The following AFG3L2 variants were observed in gnomAD, a reference collection of about 807,000 sequenced individuals.
AFG3L2 encodes mitochondrial inner membrane m-AAA protease component AFG3L2.
Under a neutral mutation model 94.5 loss-of-function variants are expected in AFG3L2, and 54 were observed. The observed-to-expected ratio is 0.57, with a 90% CI of 0.46 to 0.72. The LOEUF is 0.72. Ranked by LOEUF, AFG3L2 falls within the 30% of genes least tolerant of loss-of-function variation. The pLI is 0.00. For synonymous variants in AFG3L2, 377 were observed against 365.5 expected (o/e 1.03, Z -0.36); for missense variants, 754 against 994.9 (o/e 0.76, Z 3.26).
chr18:12,357,995 T>C (rs531434234), intron 8 of AFG3L2, among the ~76,000 whole-genome samples: 5 of 133,728 alleles, frequency 3.7e-5, no homozygotes, highest in South Asian at 5.2e-4. Flanking sequence ...TTTTTATCTA[T>C]AGAAGTAAGA....
At chr18:12,331,824 T>A (rs1404086256) in intron 16 of AFG3L2, among the ~76,000 whole-genome samples, 4 of 2,166 alleles carry the variant, frequency 1.8e-3, no homozygotes, top group South Asian at 0.05. Flanking sequence ...TATATATATA[T>A]ATATATATAT....
In AFG3L2 at chr18:12,367,114, C is replaced by A; in HGVS notation, c.403G>T (p.Asp135Tyr). Residue 135 changes from aspartate (D) to tyrosine (Y), a missense_variant, in exon 5 of 17, where the codon GAC becomes TAC. Coordinates refer to ENST00000269143, the MANE Select transcript of AFG3L2 (RefSeq NM_006796.3). ...SHWWSRFQKG[D>Y]IPWDDKDFRM... ...AAATCCTTGTCGTCCCATGGAATGT[C>A]ACCCTGGGCAGAGAGGGAGACAGCT... 1.9e-6 allele frequency: 3 copies of A among 1,614,220 alleles called. No homozygotes were observed. The highest frequency in any genetic ancestry group is 1.7e-6 in the Non-Finnish European group (2 of 1,180,044).
At chr18:12,332,121 T>TG (rs1036139736) in intron 16 of AFG3L2, among the ~76,000 whole-genome samples, 1 of 97,974 alleles carries the variant, frequency 1.0e-5, no homozygotes, top group African/African-American at 4.0e-5. Flanking sequence ...TCTCATAAAA[T>TG]GATTTTTTTT....
intron 16 of AFG3L2, among the ~76,000 whole-genome samples, chr18:12,332,953 A>T (rs1252736086): frequency 1.6e-4 from 3 of 18,636 alleles, no homozygotes; most frequent in South Asian, 2.5e-3. Context: ...ATAATATATT[A>T]TATACTATAA....
At position 12,340,287 on chromosome 18, in the gene AFG3L2, G is replaced by A. The variant is rs1202345883; in HGVS notation, c.1894C>T (p.Arg632Ter). ...LDRMCMTLGG[R>*]VSEEIFFGRI... is the part of the protein sequence containing the mutation. ...CCAAAGAAGATTTCTTCAGAGACTC[G>A]ACCACCTAAAGTCATACACATCCTA... Residue 632 changes from arginine to a stop codon, truncating the protein, a stop_gained, in exon 15 of 17, where the codon CGA becomes TGA. Coordinates refer to ENST00000269143, the MANE Select transcript of AFG3L2 (RefSeq NM_006796.3). LOFTEE classifies it high-confidence loss of function. The A allele has an allele frequency of 2.0e-5, 33 of 1,613,886 alleles. No homozygotes were observed. The highest frequency in any genetic ancestry group is 2.6e-5 in the Non-Finnish European group (31 of 1,180,002).
chr18:12,341,659 T>C (rs1907956859), intron 14 of AFG3L2: 1 of 152,256 alleles, frequency 6.6e-6, no homozygotes, highest in East Asian at 1.9e-4. Context: ...ATCCATTTCA[T>C]TCTTGATGGA....
At chr18:12,348,441 C>T (rs965175779) in intron 12 of AFG3L2, 58 bp from the exon 13 acceptor site, 3 of 1,327,870 alleles carry the variant, frequency 2.3e-6, no homozygotes, top group Non-Finnish European at 3.3e-6. Context: ...TGATCAGTCA[C>T]ACAATATGGA....
At chr18:12,334,200 T>C (rs1907672245) in intron 16 of AFG3L2, among the ~76,000 whole-genome samples, 2 of 152,362 alleles carry the variant, frequency 1.3e-5, no homozygotes, top group South Asian at 4.1e-4. Context: ...TGCAGTATTC[T>C]GCACGTGGCT....
At chr18:12,365,860 C>G (rs182531031) in intron 5 of AFG3L2, among the ~76,000 whole-genome samples, 2 of 150,450 alleles carry the variant, frequency 1.3e-5, no homozygotes, top group East Asian at 3.9e-4. Context: ...TATCACTACA[C>G]TGCATCAATT....
Position 12,340,381 on chromosome 18 carries a change from G to A in AFG3L2, c.1800C>T (p.Gly600=), listed in dbSNP as rs182024721. The A allele has an allele frequency of 6.2e-7, 1 of 1,613,842 alleles. No individual in the cohort carries two copies. Among genetic ancestry groups the A allele is most frequent in the Non-Finnish European group, 8.5e-7 (1 of 1,179,860 alleles). The part of the protein sequence containing the change: ...PLLKVSIIPR[G]KGLGYAQYLP... ...AATACTGAGCATAACCTAGTCCTTT[G>A]CCACGTGGGATGATGGATACCTGGT... Residue 600 remains glycine (G), a synonymous_variant, in exon 15 of 17, where the codon GGC becomes GGT. Coordinates refer to ENST00000269143, the MANE Select transcript of AFG3L2 (RefSeq NM_006796.3).
At chr18:12,354,126 A>ACCCCCCCCCCCCCCCCCCCCCCCCC (rs1568140579) in intron 9 of AFG3L2, among the ~76,000 whole-genome samples, 1 of 66,564 alleles carries the variant, frequency 1.5e-5, no homozygotes. Context: ...CCACCTGCCC[A>ACCCCCCCCCCCCCCCCCCCCCCCCC]CTCCCACCCC....
In AFG3L2 at chr18:12,356,700, AG is replaced by A; in HGVS notation, c.1157del (p.Pro386LeufsTer95). On this transcript the variant is annotated frameshift_variant, in exon 9 of 17. Coordinates refer to ENST00000269143, the MANE Select transcript of AFG3L2 (RefSeq NM_006796.3). LOFTEE classifies it high-confidence loss of function. ...CGAACAGAATGAGACTCACTCTAGC[AG>A]GGCCCACACCAACGAACATCTCCAA... ...EFLEMFVGVG[P>X]ARVRDLFALA... 1 of 1,614,186 alleles carries A rather than the reference AG, an allele frequency of 6.2e-7. No homozygotes were observed. The highest frequency in any genetic ancestry group is 1.6e-4 in the Middle Eastern group (1 of 6,062).
intron 10 of AFG3L2, among the ~76,000 whole-genome samples, chr18:12,352,519 T>G (rs1243363057): frequency 6.6e-6 from 1 of 152,228 alleles, no homozygotes; most frequent in Non-Finnish European, 1.5e-5. Context: ...ATTCAAAATT[T>G]GCTAAATTCA....
rs1440504082 is a variant in AFG3L2 at position 12,329,455 on chromosome 18, G to A, written c.*110C>T. On this transcript the variant is annotated 3_prime_UTR_variant, in exon 17 of 17. Coordinates refer to ENST00000269143, the MANE Select transcript of AFG3L2 (RefSeq NM_006796.3). ...TTTCCCCATCATTTCAGCTGGGCCA[G>A]TGGCTGGCTAAAATCAGCGCAGCAT... 5.1e-6 allele frequency: 6 copies of A among 1,174,022 alleles called. No individual in the cohort carries two copies. The highest frequency in any genetic ancestry group is 1.7e-5 in the Admixed American group (1 of 58,176). The allele number at this position is 1,174,022 out of a possible 1,614,324, so 72.7% of individuals were successfully genotyped here.
chr18:12,360,251 A>C (rs1470260305), intron 6 of AFG3L2, 200 bp from the exon 7 acceptor site: 25 of 573,544 alleles, frequency 4.4e-5, no homozygotes, highest in Non-Finnish European at 6.9e-5. Flanking sequence ...TTCTTGGCAA[A>C]TAAGCATTTC....
intron 13 of AFG3L2, among the ~76,000 whole-genome samples, chr18:12,346,121 C>A (rs368264661): frequency 1.3e-5 from 2 of 152,298 alleles, no homozygotes; most frequent in African/African-American, 4.8e-5. Flanking sequence ...TCCCCTCCAG[C>A]CTACAGGTCC....
intron 9 of AFG3L2, among the ~76,000 whole-genome samples, chr18:12,354,126 A>ACCCCCCCCCCCCCCCCCCCCCC (rs1568140579): frequency 3.0e-5 from 2 of 66,624 alleles, no homozygotes; most frequent in African/African-American, 8.5e-5. Flanking sequence ...CCACCTGCCC[A>ACCCCCCCCCCCCCCCCCCCCCC]CTCCCACCCC....
At chr18:12,368,386 AAAGT>A (rs1908874306) in intron 3 of AFG3L2, among the ~76,000 whole-genome samples, 2 of 151,996 alleles carry the variant, frequency 1.3e-5, no homozygotes, top group African/African-American at 4.8e-5. Flanking sequence ...AAACAAAACA[AAAGT>A]AAGTACTCCC....
At chr18:12,331,247 G>A (rs1211857993) in intron 16 of AFG3L2, among the ~76,000 whole-genome samples, 1 of 152,192 alleles carries the variant, frequency 6.6e-6, no homozygotes, top group East Asian at 1.9e-4. Flanking sequence ...TGTGCGGCAG[G>A]TGTAGCGCAC....
Sources: gnomAD v4.1 joint callset for allele counts (sites outside exome capture counted in the v4.1 genomes callset) on GRCh38, gnomAD v4.1.1 for gene constraint, MANE v1.5 for transcripts, NCBI Gene and HGNC (gene_info 2026-07-23, HGNC 2026-07-21) for gene names.